SLC39A11: variants seen among roughly 807,000 people sequenced by gnomAD.
SLC39A11 encodes the protein solute carrier family 39 member 11, also known as zinc transporter ZIP11.
Under a neutral mutation model 36.1 loss-of-function variants are expected in SLC39A11, and 33 were observed. The observed-to-expected ratio is 0.91, with a 90% CI of 0.69 to 1.22. The LOEUF (loss-of-function observed/expected upper bound fraction) is 1.22. Ranked by LOEUF, SLC39A11 falls within the 50% of genes most tolerant of loss-of-function variation. The pLI is 0.00. For synonymous variants in SLC39A11, 166 were observed against 170.3 expected (o/e 0.97, Z 0.20); for missense variants, 432 against 430.3 (o/e 1.00, Z -0.03).
At chr17:73,085,657 A>C (rs2060704934) in intron 2 of SLC39A11, among the ~76,000 whole-genome samples, 1 of 151,646 alleles carries the variant, frequency 6.6e-6, no homozygotes, top group Non-Finnish European at 1.5e-5. Context: ...AAAAAAAAAA[A>C]AAAAACCCTC....
At chr17:72,989,157 C>G (rs2088980719) in intron 4 of SLC39A11, among the ~76,000 whole-genome samples, 1 of 152,190 alleles carries the variant, frequency 6.6e-6, no homozygotes, top group African/African-American at 2.4e-5. Context: ...GGTCAGTTTT[C>G]TACTACGTGT....
chr17:72,939,419 A>G (rs1169073092), intron 5 of SLC39A11, among the ~76,000 whole-genome samples: 2 of 150,224 alleles, frequency 1.3e-5, no homozygotes, highest in Non-Finnish European at 2.9e-5. Flanking sequence ...AGATTGCACC[A>G]CTGCACTCCA....
chr17:72,753,240 C>G (rs1296680952), intron 6 of SLC39A11, among the ~76,000 whole-genome samples: 2 of 152,284 alleles, frequency 1.3e-5, no homozygotes, highest in East Asian at 3.9e-4. Flanking sequence ...TCTTTTAAAT[C>G]TACAAGGTTG....
chr17:73,016,318 G>A (rs1431018491), intron 4 of SLC39A11, among the ~76,000 whole-genome samples: 3 of 151,010 alleles, frequency 2.0e-5, no homozygotes, highest in Non-Finnish European at 4.4e-5. Flanking sequence ...CTCTCAGGGT[G>A]AAGAAGTATC....
chr17:72,774,018 T>C (rs573035266), intron 6 of SLC39A11, among the ~76,000 whole-genome samples: 2 of 152,312 alleles, frequency 1.3e-5, no homozygotes, highest in African/African-American at 4.8e-5. Flanking sequence ...TGGGGGCAAC[T>C]TTGAAGCCTA....
chr17:73,060,905 A>G (rs1196845306), intron 3 of SLC39A11, among the ~76,000 whole-genome samples: 2 of 152,216 alleles, frequency 1.3e-5, no homozygotes, highest in African/African-American at 2.4e-5. Flanking sequence ...CTCTTTAACC[A>G]TGGACATTTT....
At chr17:72,814,207 C>A (rs1050430742) in intron 6 of SLC39A11, among the ~76,000 whole-genome samples, 18 of 152,236 alleles carry the variant, frequency 1.2e-4, no homozygotes, top group African/African-American at 4.3e-4. Context: ...CCATACTGGA[C>A]CGTGCAGATA....
intron 6 of SLC39A11, among the ~76,000 whole-genome samples, chr17:72,776,579 A>G (rs1316158546): frequency 1.4e-5 from 2 of 141,500 alleles, no homozygotes; most frequent in East Asian, 4.1e-4. Context: ...GTTTTTAATT[A>G]TGTTTGTTTA....
intron 4 of SLC39A11, among the ~76,000 whole-genome samples, chr17:72,994,713 T>C (rs11653505): frequency 0.59 from 89,809 of 152,016 alleles, 27,846 homozygotes; most frequent in Middle Eastern, 0.79. Context: ...GCTGAGGATA[T>C]GGCCTGACCC....
At chr17:72,963,436 C>T (rs1286790414) in intron 4 of SLC39A11, among the ~76,000 whole-genome samples, 1 of 152,068 alleles carries the variant, frequency 6.6e-6, no homozygotes, top group South Asian at 2.1e-4. Context: ...TCCCAAAGTG[C>T]TGGGATTACA....
At chr17:72,787,309 T>G (rs965717685) in intron 6 of SLC39A11, among the ~76,000 whole-genome samples, 3 of 128,196 alleles carry the variant, frequency 2.3e-5, no homozygotes, top group Non-Finnish European at 3.2e-5. Flanking sequence ...CTAGGCTGGA[T>G]GGCAGTGGCG....
intron 6 of SLC39A11, among the ~76,000 whole-genome samples, chr17:72,816,665 A>G (rs1203930325): frequency 1.3e-5 from 2 of 152,166 alleles, no homozygotes; most frequent in African/African-American, 4.8e-5. Context: ...AAAGGCTCAT[A>G]TGAAACACAA....
At chr17:73,030,828 T>C (rs532152735) in intron 4 of SLC39A11, among the ~76,000 whole-genome samples, 1 of 152,290 alleles carries the variant, frequency 6.6e-6, no homozygotes, top group Non-Finnish European at 1.5e-5. Flanking sequence ...GCCCCAGCTC[T>C]CTTGGCTCGG....
At chr17:72,779,011 C>T (rs985728239) in intron 6 of SLC39A11, among the ~76,000 whole-genome samples, 19 of 152,304 alleles carry the variant, frequency 1.2e-4, no homozygotes, top group Admixed American at 1.1e-3. Context: ...GAGCTTTTAC[C>T]ATCCTGCCCT....
chr17:72,888,643 T>G (rs773814642), intron 5 of SLC39A11, among the ~76,000 whole-genome samples: 54 of 152,186 alleles, frequency 3.5e-4, no homozygotes, highest in Non-Finnish European at 6.5e-4. Context: ...GGTTCACACC[T>G]GTAATGGCAG....
intron 5 of SLC39A11, among the ~76,000 whole-genome samples, chr17:72,917,002 T>C (rs1256467161): frequency 2.6e-5 from 4 of 152,230 alleles, no homozygotes; most frequent in African/African-American, 9.6e-5. Context: ...CAGAAAGGAA[T>C]GGACCAGTAC....
intron 5 of SLC39A11, among the ~76,000 whole-genome samples, chr17:72,930,166 A>G (rs2084297183): frequency 6.6e-6 from 1 of 152,226 alleles, no homozygotes; most frequent in Non-Finnish European, 1.5e-5. Flanking sequence ...TTACTCCCTC[A>G]TAGCAGGCCA....
chr17:73,005,329 A>G lies in SLC39A11; in HGVS notation c.306+26227T>C, dbSNP rs185405146. ...GAACCCACAACTTGTGCAAATAAGA[A>G]ACAGGACCAAAAAGTTATCCCCAGG... On this transcript the variant is annotated intron_variant, in intron 4 of 9. Transcript: ENST00000255559. Among the ~76,000 whole-genome samples the G allele has an allele frequency of 3.4e-4, 52 of 152,252 alleles. 1 individual carries two copies. The highest frequency in any genetic ancestry group is 2.6e-3 in the Admixed American group (40 of 15,284).
chr17:72,785,216 A>G (rs1301644517), intron 6 of SLC39A11, among the ~76,000 whole-genome samples: 1 of 152,194 alleles, frequency 6.6e-6, no homozygotes, highest in East Asian at 1.9e-4. Context: ...ACAGCCTGAT[A>G]CATTTGGAGA....
Sources: gnomAD v4.1 joint callset for allele counts (sites outside exome capture counted in the v4.1 genomes callset) on GRCh38, gnomAD v4.1.1 for gene constraint, MANE v1.5 for transcripts, NCBI Gene and HGNC (gene_info 2026-07-23, HGNC 2026-07-21) for gene names.